Variants in MACF1 observed in about 807,000 individuals in gnomAD.
The protein encoded by MACF1 is microtubule-actin cross-linking factor 1.
In MACF1, 193 loss-of-function variants were observed where a neutral mutation model predicts 854.8. The ratio of observed to expected loss-of-function variants is 0.23; its 90% CI spans 0.20 to 0.25. The LOEUF is 0.25. MACF1 is among the 10% of genes least tolerant of loss of function. The pLI is 1.00. For missense variants in MACF1, 7,722 were observed against 8,929.1 expected (o/e 0.86, Z 5.45); for synonymous variants, 3,185 against 3,226.7 (o/e 0.99, Z 0.44).
chr1:39,183,832 G>A (rs992814635), intron 2 of MACF1, among the ~76,000 whole-genome samples: 3 of 152,130 alleles, frequency 2.0e-5, no homozygotes, highest in Non-Finnish European at 2.9e-5. Context: ...GAGGTATAGC[G>A]AGAGTAGCTG....
chr1:39,296,747 AAAG>A (rs1645911227), intron 20 of MACF1, among the ~76,000 whole-genome samples: 1 of 37,952 alleles, frequency 2.6e-5, no homozygotes, highest in African/African-American at 7.9e-5. Context: ...AGAAAGAAAG[AAAG>A]AAAGGAAGGA....
rs1649987653 is a variant in MACF1, at chr1:39,379,355, G to A, written c.13429G>A (p.Glu4477Lys). 1.2e-6 allele frequency: 2 copies of A among 1,613,998 alleles called. No homozygotes were observed. The highest frequency in any genetic ancestry group is 2.2e-5 in the South Asian group (2 of 91,082). Residue 4477 changes from glutamate (E) to lysine (K), a missense_variant, in exon 54 of 101, where the codon GAA becomes AAA. Glu to Lys is a moderately conservative substitution (Grantham distance 56). Coordinates refer to ENST00000564288, the MANE Select transcript of MACF1 (RefSeq NM_001394062.1). ...GGCAAACTCTGTGCTGCAGTGGCTG[G>A]AATCAAAAGAGGAAGTCCTGAAATC... is the stretch of plus-strand genomic sequence containing the variant. ...KEANSVLQWL[E>K]SKEEVLKSMD...
In MACF1 at chr1:39,333,020, G is replaced by C; in HGVS notation, c.6432G>C (p.Leu2144Phe). ...CTGCTGAGGCGGAAGGTGTGCCGTTGGTGGTTGACAAAGATGTTTTTTCTG... is the reference window on the plus strand; with the variant it reads ...CTGCTGAGGCGGAAGGTGTGCCGTTCGTGGTTGACAAAGATGTTTTTTCTG... Reference protein sequence around the residue: ...IPPAEAEGVPLVVDKDVFSVE... With the variant: ...IPPAEAEGVPFVVDKDVFSVE... The change falls in exon 37 of 101, where the codon TTG (leucine) becomes TTC (phenylalanine). Residue 2144 changes from leucine to phenylalanine, a missense_variant. Around this residue, in one of 15 missense-constraint regions of MACF1, gnomAD observed 1,531 missense variants for 1,601.6 expected, o/e 0.96. Coordinates refer to ENST00000564288, the MANE Select transcript of MACF1 (RefSeq NM_001394062.1). 1 of 1,614,052 alleles carries C rather than the reference G, an allele frequency of 6.2e-7. No homozygotes were observed. The highest frequency in any genetic ancestry group is 8.5e-7 in the Non-Finnish European group (1 of 1,180,018).
At chr1:39,166,971 C>A (rs1643888915) in intron 2 of MACF1, among the ~76,000 whole-genome samples, 3 of 151,878 alleles carry the variant, frequency 2.0e-5, no homozygotes, top group Admixed American at 1.3e-4. Context: ...GATGTTAAAT[C>A]TTTCTTTTTG....
intron 40 of MACF1, among the ~76,000 whole-genome samples, chr1:39,345,696 A>G (rs879300223): frequency 1.1e-4 from 16 of 152,260 alleles, no homozygotes; most frequent in Non-Finnish European, 2.1e-4. Context: ...GACAGATACA[A>G]ATAGAAATTT....
chr1:39,334,467 G>A lies in MACF1; in HGVS notation c.7879G>A (p.Val2627Ile), dbSNP rs760333493. The A allele has an allele frequency of 1.7e-5, 28 of 1,613,956 alleles. No homozygotes were observed. Among genetic ancestry groups the A allele is most frequent in the Non-Finnish European group, 2.4e-5 (28 of 1,179,986 alleles). ...TGTAGATCCCGAGAACTGCAGAATT[G>A]TCCCCTACTCAGAATTAGTCAAGAA... ...GIVDPENCRIVPYSELVKKCK... is the reference protein window; with the variant it reads ...GIVDPENCRIIPYSELVKKCK... Residue 2627 changes from valine to isoleucine, a missense_variant, in exon 37 of 101, where the codon GTC (valine) becomes ATC (isoleucine). Physicochemically the swap from Val to Ile is conservative, Grantham distance 29. This residue lies in a region of MACF1 where 1,531 missense variants were observed against 1,601.6 expected (regional missense o/e 0.96). Coordinates refer to ENST00000564288, the MANE Select transcript of MACF1 (RefSeq NM_001394062.1).
At chr1:39,389,072 C>T (rs1641922273) in intron 58 of MACF1, among the ~76,000 whole-genome samples, 1 of 151,542 alleles carries the variant, frequency 6.6e-6, no homozygotes, top group Admixed American at 6.6e-5. Flanking sequence ...GACGAGGTTT[C>T]ACCATGTCTC....
intron 97 of MACF1, among the ~76,000 whole-genome samples, chr1:39,475,240 A>G (rs1233135225): frequency 6.6e-6 from 1 of 152,198 alleles, no homozygotes; most frequent in Non-Finnish European, 1.5e-5. Flanking sequence ...TTCTGCTATA[A>G]GCAGTGAAAC....
chr1:39,283,334 A>G lies in MACF1; in HGVS notation c.808+33A>G, dbSNP rs1285227123. 1.3e-6 allele frequency: 2 copies of G among 1,586,666 alleles called. No homozygotes were observed. Among genetic ancestry groups the G allele is most frequent in the Non-Finnish European group, 1.7e-6 (2 of 1,155,046 alleles). On this transcript the variant is annotated intron_variant, in intron 8 of 100. Coordinates refer to ENST00000564288, the MANE Select transcript of MACF1 (RefSeq NM_001394062.1). The surrounding 1 kb of genome is among the most constrained non-coding windows in gnomAD (Gnocchi z 4.5). ...GGAGTTTACTGAACTTGAGTAAGGA[A>G]CACGTATTCAGTATTCCTTCTTCTG...
At chr1:39,253,735 C>G (rs903637174) in intron 4 of MACF1, among the ~76,000 whole-genome samples, 4 of 152,090 alleles carry the variant, frequency 2.6e-5, no homozygotes, top group Non-Finnish European at 5.9e-5. Context: ...AGGGTTGTCT[C>G]TAACTCCTGG....
chr1:39,269,830 T>A, intron 6 of MACF1: 2 of 851,770 alleles, frequency 2.3e-6, no homozygotes, highest in Non-Finnish European at 3.2e-6. Context: ...CTCTCAAACT[T>A]ACCCCCATGT....
intron 2 of MACF1, among the ~76,000 whole-genome samples, chr1:39,171,054 T>C (rs1249455348): frequency 6.6e-6 from 1 of 152,190 alleles, no homozygotes; most frequent in Non-Finnish European, 1.5e-5. Flanking sequence ...TAGGGCTGGC[T>C]CTAAGCTTCT....
At chr1:39,365,805 A>G (rs181519979) in intron 49 of MACF1, among the ~76,000 whole-genome samples, 137 of 151,840 alleles carry the variant, frequency 9.0e-4, no homozygotes, top group African/African-American at 3.0e-3. Flanking sequence ...GCTCCCAAGT[A>G]GCTGGGATTA....
chr1:39,291,398 T>G (rs1645785434), intron 15 of MACF1, among the ~76,000 whole-genome samples: 1 of 152,250 alleles, frequency 6.6e-6, no homozygotes, highest in African/African-American at 2.4e-5. Flanking sequence ...ACCCTTTTGT[T>G]TTATATTAAA....
chr1:39,422,715 A>G lies in MACF1; in HGVS notation c.15979-15A>G, dbSNP rs763825027. 69 of 1,611,774 alleles carry G rather than the reference A, an allele frequency of 4.3e-5. No individual in the cohort carries two copies. Among genetic ancestry groups the G allele is most frequent in the Admixed American group, 2.3e-4 (14 of 59,940 alleles). On this transcript the variant is annotated splice_polypyrimidine_tract_variant and intron_variant, in intron 59 of 100. Coordinates refer to ENST00000564288, the MANE Select transcript of MACF1 (RefSeq NM_001394062.1). ...TTCTCCGTTCTCATAATGAACCTACATGTTCATGATACAGGTCGCACAAAG... is the reference window on the plus strand; with the variant it reads ...TTCTCCGTTCTCATAATGAACCTACGTGTTCATGATACAGGTCGCACAAAG...
Position 39,385,846 on chromosome 1 carries a change from T to C in MACF1, c.14261T>C (p.Ile4754Thr), listed in dbSNP as rs748129943. Reference sequence around the variant, plus strand: ...CTGTGCGATGAACTCTCAGTGCTCATTGGTGAGCAGTACCTCAAGGATGAA... The same window carrying C: ...CTGTGCGATGAACTCTCAGTGCTCACTGGTGAGCAGTACCTCAAGGATGAA... ...QTLCDELSVL[I>T]GEQYLKDELK... is the part of the protein sequence containing the mutation. The change falls in exon 57 of 101, where the codon ATT becomes ACT. Residue 4754 changes from isoleucine (I) to threonine (T), a missense_variant. By Grantham distance (89) the Ile-to-Thr change is moderately conservative (BLOSUM62 -1). Coordinates refer to ENST00000564288, the MANE Select transcript of MACF1 (RefSeq NM_001394062.1). 60 of 1,613,910 alleles carry C rather than the reference T, an allele frequency of 3.7e-5. No individual in the cohort carries two copies. The highest frequency in any genetic ancestry group is 4.4e-5 in the Non-Finnish European group (52 of 1,179,918).
intron 36 of MACF1, chr1:39,328,337 C>T (rs1646654881): frequency 6.6e-6 from 1 of 151,888 alleles, no homozygotes; most frequent in Admixed American, 6.6e-5. Context: ...CAATTGCTTG[C>T]TGAGAACATC....
In MACF1 at chr1:39,162,080, A is replaced by G. The variant is rs1195449647; in HGVS notation, c.221-69102A>G. On this transcript the variant is annotated intron_variant, in intron 2 of 93. Transcript: ENST00000361689. ...CTGTCTCTCTGTCTTTTTTTTTTGC[A>G]ATCTCCGCCTCCCGGGTTCAAGCAA... 2.0e-5 allele frequency among the ~76,000 whole-genome samples: 3 copies of G among 150,140 alleles called. No individual in the cohort carries two copies. The East Asian group carries it at 5.9e-4, about 29-fold the overall frequency.
intron 5 of MACF1, among the ~76,000 whole-genome samples, chr1:39,256,977 G>A (rs1557547359): frequency 6.6e-6 from 1 of 151,904 alleles, no homozygotes; most frequent in Non-Finnish European, 1.5e-5. Context: ...TGCTTGCGAG[G>A]TTGCTTTTCT....
Sources: gnomAD v4.1 joint callset for allele counts (sites outside exome capture counted in the v4.1 genomes callset) on GRCh38, gnomAD v4.1.1 for gene constraint, gnomAD v4.1.1 regional missense constraint, Gnocchi (gnomAD v3.1) non-coding constraint, MANE v1.5 for transcripts, NCBI Gene and HGNC (gene_info 2026-07-23, HGNC 2026-07-21) for gene names.